The following SLA2 variants were observed in gnomAD, a reference collection of about 807,000 sequenced individuals.
SLA2 encodes the protein Src like adaptor 2.
SLA2 carries 22 observed loss-of-function variants against 27.3 expected under a neutral mutation model. The ratio of observed to expected loss-of-function variants is 0.81; its 90% CI spans 0.58 to 1.15. SLA2 has a LOEUF of 1.15. Among genes scored for constraint, SLA2 ranks in the 50% most tolerant of loss-of-function variants. The probability of loss-of-function intolerance (pLI) is 0.00; values close to 1 mark genes in which losing one functional copy is unlikely to be tolerated. For synonymous variants in SLA2, 131 were observed against 137.8 expected (o/e 0.95, Z 0.34); for missense variants, 304 against 322.2 (o/e 0.94, Z 0.43).
intron 2 of SLA2, among the ~76,000 whole-genome samples, chr20:36,640,915 CG>C (rs1411184757): frequency 6.6e-6 from 1 of 152,044 alleles, no homozygotes; most frequent in Non-Finnish European, 1.5e-5. Context: ...CTGGCCAGCT[CG>C]GTGTTTGGAT....
At chr20:36,643,955 C>A (rs1007599677) in intron 1 of SLA2, among the ~76,000 whole-genome samples, 3 of 151,810 alleles carry the variant, frequency 2.0e-5, no homozygotes, top group Admixed American at 1.3e-4. Context: ...CTGTACCCCC[C>A]TCCCGCCCCA....
chr20:36,642,857 T>C (rs1978284879), intron 1 of SLA2, among the ~76,000 whole-genome samples: 1 of 152,048 alleles, frequency 6.6e-6, no homozygotes, highest in African/African-American at 2.4e-5. Flanking sequence ...AGTGCTGGGA[T>C]TACAGGCATG....
At chr20:36,629,406 G>A (rs1050934930) in intron 5 of SLA2, among the ~76,000 whole-genome samples, 9 of 150,980 alleles carry the variant, frequency 6.0e-5, no homozygotes, top group Admixed American at 2.0e-4. Context: ...CAAGGTGGGC[G>A]GATTATCTGA....
intron 1 of SLA2, among the ~76,000 whole-genome samples, chr20:36,644,715 G>A (rs143109284): frequency 2.6e-5 from 4 of 152,226 alleles, no homozygotes; most frequent in South Asian, 2.1e-4. Context: ...AGTATTAGCC[G>A]CACATTTTGT....
At chr20:36,626,108 A>T (rs969465123) in intron 5 of SLA2, among the ~76,000 whole-genome samples, 3 of 152,088 alleles carry the variant, frequency 2.0e-5, no homozygotes, top group Non-Finnish European at 4.4e-5. Context: ...TTAAAAAAAA[A>T]TACAGCTGGG....
chr20:36,630,910 G>A (rs2039387527), intron 5 of SLA2, among the ~76,000 whole-genome samples: 1 of 152,174 alleles, frequency 6.6e-6, no homozygotes, highest in South Asian at 2.1e-4. Flanking sequence ...TTTTCAGTCT[G>A]TACAGTGGAG....
chr20:36,627,986 G>A (rs947415064), intron 5 of SLA2, among the ~76,000 whole-genome samples: 1 of 152,144 alleles, frequency 6.6e-6, no homozygotes, highest in Non-Finnish European at 1.5e-5. Flanking sequence ...CATTATATAC[G>A]ACAAGAGCAT....
chr20:36,643,716 C>A (rs1899113336), intron 1 of SLA2, among the ~76,000 whole-genome samples: 1 of 152,124 alleles, frequency 6.6e-6, no homozygotes, highest in African/African-American at 2.4e-5. Flanking sequence ...CTTTGGGAGG[C>A]CGAGGTGGGC....
rs1261331850 is a variant in SLA2, at chr20:36,636,406, C to T, written c.92-1817G>A. Among the ~76,000 whole-genome samples, 49 of 126,796 alleles carry T rather than the reference C, an allele frequency of 3.9e-4. 1 individual carries two copies. The highest frequency in any genetic ancestry group is 1.5e-3 in the African/African-American group (45 of 29,542). The allele number at this position is 126,796 out of a possible 152,430, so 83.2% of individuals were successfully genotyped here. A position where few individuals can be genotyped will look rare whatever the true frequency, so the allele number is the denominator to read the frequency against. On this transcript the variant is annotated intron_variant, in intron 2 of 7. Transcript: ENST00000262866. ...ACTGCAGTCCGCAGTCCAGCCTGGG[C>T]GACAGAGCAAGACTCCGTCTCAAAA... is the stretch of plus-strand genomic sequence containing the variant.
chr20:36,633,481 G>T (rs909710887), intron 4 of SLA2, 62 bp downstream of exon 4: 2 of 1,384,812 alleles, frequency 1.4e-6, no homozygotes, highest in Non-Finnish European at 1.0e-6. Context: ...TGCACAAAGG[G>T]GAGTTCTTGT....
intron 5 of SLA2, among the ~76,000 whole-genome samples, chr20:36,621,832 A>G (rs1370805629): frequency 6.6e-6 from 1 of 151,978 alleles, no homozygotes; most frequent in Non-Finnish European, 1.5e-5. Context: ...CCTGGATAAC[A>G]TGGTGAGAGT....
chr20:36,641,216 G>T, intron 2 of SLA2, 29 bp downstream of exon 2: 1 of 1,587,074 alleles, frequency 6.3e-7, no homozygotes, highest in Non-Finnish European at 8.7e-7. Flanking sequence ...TGTGGGAAGA[G>T]CCTGGCTGTC....
At chr20:36,618,462 T>C (rs1470827874) in intron 5 of SLA2, among the ~76,000 whole-genome samples, 1 of 151,778 alleles carries the variant, frequency 6.6e-6, no homozygotes, top group African/African-American at 2.4e-5. Context: ...GGTCTTGAAC[T>C]CCTGACCTTG....
rs1048315711 is a variant in SLA2 at position 36,612,852 on chromosome 20, T to C, written c.*1014A>G. On this transcript the variant is annotated 3_prime_UTR_variant, in exon 8 of 8. Coordinates refer to ENST00000262866, the MANE Select transcript of SLA2 (RefSeq NM_032214.4). ...TGCAGTGTGCTAGACTTAAGAGGTG[T>C]TATTTTTTATTCGGCCACAAGATGG... is the stretch of plus-strand genomic sequence containing the variant. The C allele has an allele frequency of 6.5e-6, 1 of 155,026 alleles. No homozygotes were observed. The highest frequency in any genetic ancestry group is 2.4e-5 in the African/African-American group (1 of 41,448). 9.6% of individuals were successfully genotyped at this position (155,026 alleles called of 1,614,324 possible).
Position 36,613,134 on chromosome 20 carries a change from T to TCAGGCAG in SLA2, c.*731_*732insCTGCCTG, listed in dbSNP as rs1355533548. On this transcript the variant is annotated 3_prime_UTR_variant, in exon 8 of 8. Coordinates refer to ENST00000262866, the MANE Select transcript of SLA2 (RefSeq NM_032214.4). ...ATTCTGGAGGCTGAGGCAGGAGAAT[T>TCAGGCAG]GTTTGAATCCAGGAGATGGAGGTTG... is the stretch of plus-strand genomic sequence containing the variant. The TCAGGCAG allele has an allele frequency of 6.6e-6, 1 of 152,240 alleles. No homozygotes were observed. The highest frequency in any genetic ancestry group is 1.5e-5 in the Non-Finnish European group (1 of 68,108). 9.4% of individuals were successfully genotyped at this position (152,240 alleles called of 1,614,324 possible). A position where few individuals can be genotyped will look rare whatever the true frequency, so the allele number is the denominator to read the frequency against.
In SLA2 at chr20:36,614,073, C is replaced by T. The variant is rs1474569475; in HGVS notation, c.666-87G>A. The T allele has an allele frequency of 7.7e-6, 12 of 1,562,642 alleles. No individual in the cohort carries two copies. The Admixed American group carries it at 1.3e-4, about 16-fold the overall frequency. ...CACAAAATTGCACTGTTCTCAAAAC[C>T]CTTCACTCCTGCTGAGGACCTCATG... On this transcript the variant is annotated intron_variant, in intron 7 of 7. Coordinates refer to ENST00000262866, the MANE Select transcript of SLA2 (RefSeq NM_032214.4).
chr20:36,632,777 G>C (rs998148197), intron 4 of SLA2, 79 bp from the exon 5 acceptor site: 2 of 1,121,662 alleles, frequency 1.8e-6, no homozygotes, highest in Non-Finnish European at 2.6e-6. Flanking sequence ...CACCACCGCT[G>C]AGTGACCCTC....
intron 5 of SLA2, among the ~76,000 whole-genome samples, chr20:36,626,092 C>A (rs1482655666): frequency 6.6e-6 from 1 of 151,804 alleles, no homozygotes; most frequent in Non-Finnish European, 1.5e-5. Flanking sequence ...TGGCAAAACC[C>A]TGACTTTAAA....
Position 36,633,527 on chromosome 20 carries a change from TG to T in SLA2, c.278+15del. The T allele has an allele frequency of 6.2e-7, 1 of 1,605,892 alleles. No homozygotes were observed. Among genetic ancestry groups the T allele is most frequent in the Non-Finnish European group, 8.5e-7 (1 of 1,172,468 alleles). On this transcript the variant is annotated intron_variant, in intron 4 of 7. Transcript: ENST00000262866. ...AGCAGGAAGCTCTGCAAGGCGGGCC[TG>T]GGGTGGGAACTCACCCATGGGAGAC...
Sources: gnomAD v4.1 joint callset for allele counts (sites outside exome capture counted in the v4.1 genomes callset) on GRCh38, gnomAD v4.1.1 for gene constraint, MANE v1.5 for transcripts, NCBI Gene and HGNC (gene_info 2026-07-23, HGNC 2026-07-21) for gene names.